Variants in SCAF4 observed in about 807,000 individuals in gnomAD.
SCAF4 encodes the protein SR-related CTD associated factor 4, also known as SR-related and CTD-associated factor 4.
A neutral mutation model predicts 129.8 loss-of-function variants in SCAF4; 25 were observed. The ratio of observed to expected loss-of-function variants is 0.19; its 90% confidence interval spans 0.14 to 0.27. The LOEUF is 0.27. Among genes scored for constraint, SCAF4 ranks in the 10% least tolerant of loss-of-function variants. The pLI is 1.00. For synonymous variants in SCAF4, 551 were observed against 497.7 expected (o/e 1.11, Z -1.43); for missense variants, 1,246 against 1,457.1 (o/e 0.86, Z 2.36).
chr21:31,716,480 C>T (rs1392218184), intron 1 of SCAF4, among the ~76,000 whole-genome samples: 1 of 152,116 alleles, frequency 6.6e-6, no homozygotes, highest in Admixed American at 6.5e-5. Flanking sequence ...CTCTTTCATA[C>T]TCAACTTAAT....
chr21:31,692,278 G>C (rs1362000227), intron 13 of SCAF4, 71 bp downstream of exon 13: 1 of 1,221,616 alleles, frequency 8.2e-7, no homozygotes, highest in East Asian at 2.3e-5. Context: ...TTTGGTCTCA[G>C]GTCCTCCATT....
intron 1 of SCAF4, among the ~76,000 whole-genome samples, chr21:31,728,897 G>C (rs930174104): frequency 6.6e-6 from 1 of 152,120 alleles, no homozygotes; most frequent in Non-Finnish European, 1.5e-5. Flanking sequence ...GATGACTTGT[G>C]ATAAGGGTAT....
At chr21:31,707,710 C>G (rs1241328778) in intron 1 of SCAF4, among the ~76,000 whole-genome samples, 2 of 152,110 alleles carry the variant, frequency 1.3e-5, no homozygotes, top group Non-Finnish European at 2.9e-5. Context: ...AGGGTATGAA[C>G]CTTTACTAGA....
At chr21:31,726,103 T>C (rs1006125202) in intron 1 of SCAF4, among the ~76,000 whole-genome samples, 1 of 151,644 alleles carries the variant, frequency 6.6e-6, no homozygotes, top group African/African-American at 2.4e-5. Flanking sequence ...TGGAGTGCAG[T>C]GGCGCGATCT....
chr21:31,690,455 A>G lies in SCAF4; in HGVS notation c.1885+342T>C, dbSNP rs546081062. ...ACCCAAGATTGCATCACTACACTCC[A>G]GCCTGGGCTACAGAGACTCCACCTC... On this transcript the variant is annotated intron_variant, in intron 15 of 19. Coordinates refer to ENST00000286835, the MANE Select transcript of SCAF4 (RefSeq NM_020706.2). Among the ~76,000 whole-genome samples the G allele has an allele frequency of 1.4e-3, 208 of 152,322 alleles. 2 individuals carry two copies. Among genetic ancestry groups the G allele is most frequent in the African/African-American group, 4.6e-3 (193 of 41,574 alleles).
intron 19 of SCAF4, among the ~76,000 whole-genome samples, chr21:31,680,649 C>T (rs1038439275): frequency 3.9e-5 from 6 of 152,080 alleles, no homozygotes; most frequent in East Asian, 1.9e-4. Context: ...TAAAAAATTA[C>T]GTATTATGTT....
In SCAF4 at chr21:31,732,086, A is replaced by C; in HGVS notation, c.-394T>G. 2.4e-6 allele frequency: 1 copy of C among 409,588 alleles called. No individual in the cohort carries two copies. The highest frequency in any genetic ancestry group is 4.3e-6 in the Non-Finnish European group (1 of 234,042). The allele number at this position is 409,588 out of a possible 1,614,324, so 25.4% of individuals were successfully genotyped here. The stretch of plus-strand genomic sequence containing the variant: ...TCCCTCTCTCCAGCGGGATGGCGGC[A>C]GCGGCCCGAGTCCACGCCGCGCGGG... On this transcript the variant is annotated 5_prime_UTR_variant, in exon 1 of 20. Coordinates refer to ENST00000286835, the MANE Select transcript of SCAF4 (RefSeq NM_020706.2).
In SCAF4 at chr21:31,732,027, A is replaced by C; in HGVS notation, c.-335T>G. On this transcript the variant is annotated 5_prime_UTR_variant, in exon 1 of 20. Coordinates refer to ENST00000286835, the MANE Select transcript of SCAF4 (RefSeq NM_020706.2). ...CCCGCGCCCTCACGCACTGGCTCAC[A>C]CTGGCCCGGCCGGCGAGCGGGCGGG... 2.3e-6 allele frequency: 1 copy of C among 441,638 alleles called. No individual in the cohort carries two copies. Among genetic ancestry groups the C allele is most frequent in the East Asian group, 3.6e-5 (1 of 27,922 alleles). The allele number at this position is 441,638 out of a possible 1,614,324, so 27.4% of individuals were successfully genotyped here.
chr21:31,709,486 A>G (rs2050749098), intron 1 of SCAF4, among the ~76,000 whole-genome samples: 1 of 152,182 alleles, frequency 6.6e-6, no homozygotes, highest in Admixed American at 6.5e-5. Context: ...CCCAAAAAGC[A>G]CTTCTTTATC....
At chr21:31,720,978 T>C (rs2051052880) in intron 1 of SCAF4, among the ~76,000 whole-genome samples, 1 of 152,250 alleles carries the variant, frequency 6.6e-6, no homozygotes, top group Non-Finnish European at 1.5e-5. Context: ...CTGTGTATTT[T>C]ACAACAGCTT....
intron 16 of SCAF4, 56 bp from the exon 17 acceptor site, chr21:31,685,789 A>G (rs550829570): frequency 9.1e-5 from 135 of 1,476,266 alleles, no homozygotes; most frequent in East Asian, 7.5e-4. Context: ...CCATCCACAC[A>G]GTAAGCACAG....
chr21:31,679,875 T>C (rs901166195), intron 19 of SCAF4, among the ~76,000 whole-genome samples: 1 of 152,238 alleles, frequency 6.6e-6, no homozygotes, highest in African/African-American at 2.4e-5. Context: ...AGCATAATAA[T>C]AATTACTTAA....
At chr21:31,690,088 T>C (rs2050222970) in intron 15 of SCAF4, among the ~76,000 whole-genome samples, 4 of 152,226 alleles carry the variant, frequency 2.6e-5, no homozygotes, top group Admixed American at 2.6e-4. Context: ...TAAATATTTA[T>C]GCCCACAAAT....
At position 31,703,805 on chromosome 21, in the gene SCAF4, G is replaced by A. The variant is rs1261006141; in HGVS notation, c.281C>T (p.Ala94Val). The A allele has an allele frequency of 6.3e-7, 1 of 1,586,188 alleles. No homozygotes were observed. The highest frequency in any genetic ancestry group is 1.3e-5 in the African/African-American group (1 of 74,452). Residue 94 changes from alanine to valine, a missense_variant, in exon 4 of 20, where the codon GCC (alanine) becomes GTC (valine). Ala to Val is a moderately conservative substitution (Grantham distance 64, BLOSUM62 0). This residue lies in a region of SCAF4 where 56 missense variants were observed against 139.4 expected (regional missense o/e 0.40). Transcript: ENST00000286835. ...ACAAAGATATAAATATTGGAATGTG[G>A]CAGTTATGTTTTTAGAGAATCTTGG... The part of the protein sequence containing the change: ...FGPRFSKNIT[A>V]TFQYLYLCPS...
chr21:31,706,349 C>A lies in SCAF4; in HGVS notation c.39G>T (p.Ser13=), dbSNP rs141072342. ...AGATGGGAGGTTTCATATCCATAAG[C>A]GAAAAGAGCTTAAAAGACAAAAAAC... is the stretch of plus-strand genomic sequence containing the variant. ...AVNAFNQELF[S]LMDMKPPISR... Residue 13 remains serine (S), a synonymous_variant, in exon 2 of 20, where the codon TCG becomes TCT. Coordinates refer to ENST00000286835, the MANE Select transcript of SCAF4 (RefSeq NM_020706.2). The A allele has an allele frequency of 6.2e-7, 1 of 1,603,568 alleles. No individual in the cohort carries two copies. Among genetic ancestry groups the A allele is most frequent in the Admixed American group, 1.7e-5 (1 of 58,446 alleles).
intron 13 of SCAF4, 78 bp from the exon 14 acceptor site, chr21:31,692,008 C>A: frequency 1.4e-6 from 1 of 714,208 alleles, no homozygotes; most frequent in East Asian, 2.6e-5. Context: ...TAAGCAGTTC[C>A]AACAATCCCA....
At chr21:31,701,635 A>C in intron 6 of SCAF4, 141 bp downstream of exon 6, 1 of 814,712 alleles carries the variant, frequency 1.2e-6, no homozygotes, top group East Asian at 3.0e-5. Flanking sequence ...CTCCTACATT[A>C]CTTCTCTTGT....
chr21:31,705,802 G>A (rs1049652314), intron 2 of SCAF4, among the ~76,000 whole-genome samples: 2 of 152,160 alleles, frequency 1.3e-5, no homozygotes, highest in African/African-American at 2.4e-5. Flanking sequence ...ACATTTTAAA[G>A]TGTGATTTTG....
At chr21:31,692,791 CTTGA>C (rs1249229175) in intron 12 of SCAF4, among the ~76,000 whole-genome samples, 1 of 152,202 alleles carries the variant, frequency 6.6e-6, no homozygotes, top group Non-Finnish European at 1.5e-5. Context: ...GCTCAAGTCT[CTTGA>C]TTACCAACCA....
Sources: gnomAD v4.1 joint callset for allele counts (sites outside exome capture counted in the v4.1 genomes callset) on GRCh38, gnomAD v4.1.1 for gene constraint, gnomAD v4.1.1 regional missense constraint, MANE v1.5 for transcripts, NCBI Gene and HGNC (gene_info 2026-07-23, HGNC 2026-07-21) for gene names.